Variants in RSPH9 observed in about 807,000 individuals in gnomAD.
RSPH9 encodes radial spoke head protein 9 homolog.
A neutral mutation model predicts 27.0 loss-of-function variants in RSPH9; 27 were observed. The ratio of observed to expected loss-of-function variants is 1.00; its 90% CI spans 0.74 to 1.38. RSPH9 has a LOEUF of 1.38. RSPH9 is among the 40% of genes most tolerant of loss of function. RSPH9 has a pLI of 0.00. For synonymous variants in RSPH9, 145 were observed against 147.7 expected (o/e 0.98, Z 0.13); for missense variants, 347 against 357.4 (o/e 0.97, Z 0.24).
intron 2 of RSPH9, among the ~76,000 whole-genome samples, chr6:43,653,696 A>G (rs1444397483): frequency 2.0e-5 from 3 of 151,750 alleles, no homozygotes; most frequent in Admixed American, 2.0e-4. Flanking sequence ...AATCTTCCTG[A>G]GCCTGTTTTT....
At chr6:43,660,860 T>C (rs1772542245) in intron 4 of RSPH9, among the ~76,000 whole-genome samples, 1 of 150,858 alleles carries the variant, frequency 6.6e-6, no homozygotes, top group South Asian at 2.1e-4. Flanking sequence ...TCATTATCTA[T>C]GGCAGTTATA....
At position 43,671,804 on chromosome 6, in the gene RSPH9, G is replaced by T; in HGVS notation, c.*855G>T. On this transcript the variant is annotated 3_prime_UTR_variant, in exon 5 of 5. Transcript: ENST00000372163. ...AAGGTGTTCTTGAGTAGCAGACATT[G>T]TCCCTCAGAAGGGGTGACCCCACGG... is the stretch of plus-strand genomic sequence containing the variant. 1 of 1,614,214 alleles carries T rather than the reference G, an allele frequency of 6.2e-7. No individual in the cohort carries two copies. The highest frequency in any genetic ancestry group is 8.5e-7 in the Non-Finnish European group (1 of 1,180,036).
intron 2 of RSPH9, among the ~76,000 whole-genome samples, chr6:43,655,272 C>T (rs573364189): frequency 4.2e-4 from 64 of 152,220 alleles, no homozygotes; most frequent in African/African-American, 1.3e-3. Context: ...ATGGTGGCTG[C>T]CCCCAGTGAG....
intron 1 of RSPH9, among the ~76,000 whole-genome samples, chr6:43,646,918 G>A (rs918006802): frequency 3.4e-5 from 5 of 147,898 alleles, no homozygotes; most frequent in African/African-American, 7.5e-5. Flanking sequence ...ATCATGCCAC[G>A]CACTCCAGCC....
intron 4 of RSPH9, among the ~76,000 whole-genome samples, chr6:43,660,664 C>T (rs775345196): frequency 1.3e-5 from 2 of 152,088 alleles, no homozygotes; most frequent in Non-Finnish European, 2.9e-5. Context: ...GGGGTTTTAC[C>T]GTGTTAGCCA....
chr6:43,656,867 C>A lies in RSPH9; in HGVS notation c.670+144C>A, dbSNP rs1582387287. 8 of 844,492 alleles carry A rather than the reference C, an allele frequency of 9.5e-6. No homozygotes were observed. The East Asian group carries it at 2.0e-4, about 21-fold the overall frequency. 52.3% of individuals were successfully genotyped at this position (844,492 alleles called of 1,614,324 possible). ...CCATGGGTTTTTGAGGGTGGAGCTT[C>A]CCCAGGGCCCAGCTTATAGTACACA... On this transcript the variant is annotated intron_variant, in intron 4 of 4. Transcript: ENST00000372163.
intron 2 of RSPH9, among the ~76,000 whole-genome samples, chr6:43,654,425 C>T (rs931809192): frequency 6.6e-6 from 1 of 152,194 alleles, no homozygotes. Flanking sequence ...TGCTGTGGCT[C>T]ACCCTGTAAT....
intron 4 of RSPH9, among the ~76,000 whole-genome samples, chr6:43,667,360 G>GCA (rs1773246713): frequency 6.6e-6 from 1 of 152,232 alleles, no homozygotes; most frequent in Non-Finnish European, 1.5e-5. Context: ...CACAGGCTGG[G>GCA]GCTCCTTCCC....
At chr6:43,668,684 T>C (rs1773399342) in intron 4 of RSPH9, among the ~76,000 whole-genome samples, 1 of 152,122 alleles carries the variant, frequency 6.6e-6, no homozygotes, top group African/African-American at 2.4e-5. Flanking sequence ...CTGGCAACAA[T>C]GAACTGACAA....
At position 43,654,731 on chromosome 6, in the gene RSPH9, G is replaced by A. The variant is rs148255095; in HGVS notation, c.394-831G>A. On this transcript the variant is annotated intron_variant, in intron 2 of 4. Transcript: ENST00000372163. ...CCAGCTACTCAGGAGGCTGAGGCAG[G>A]AGAATCTCTTGAACCTAGGAGGTAG... Among the ~76,000 whole-genome samples, 404 of 152,352 alleles carry A rather than the reference G, an allele frequency of 2.7e-3. 1 individual carries two copies. Among genetic ancestry groups the A allele is most frequent in the Non-Finnish European group, 4.9e-3 (330 of 68,024 alleles).
intron 4 of RSPH9, among the ~76,000 whole-genome samples, chr6:43,668,094 G>A (rs1773326681): frequency 6.6e-6 from 1 of 152,090 alleles, no homozygotes; most frequent in Admixed American, 6.5e-5. Flanking sequence ...CTGCTAGGGG[G>A]CAGGAGGGAT....
chr6:43,650,061 G>A (rs1771288624), intron 1 of RSPH9, among the ~76,000 whole-genome samples: 1 of 152,056 alleles, frequency 6.6e-6, no homozygotes, highest in Non-Finnish European at 1.5e-5. Context: ...CTACAGGCAT[G>A]TGCCACCATG....
intron 4 of RSPH9, 131 bp downstream of exon 4, chr6:43,656,854 GA>G: frequency 1.0e-6 from 1 of 1,003,328 alleles, no homozygotes; most frequent in East Asian, 2.4e-5. Flanking sequence ...ATGGGTTTTT[GA>G]GGGTGGAGCT....
Position 43,650,383 on chromosome 6 carries a change from GCA to G in RSPH9, c.239_240del (p.Thr80ArgfsTer32). On this transcript the variant is annotated frameshift_variant, in exon 2 of 5. Transcript: ENST00000372163. LOFTEE classifies it high-confidence loss of function. ...GTGAATATTGTTGGCAGCCTGAACT[GCA>G]CAGAGTGGAGCCTCTTGCCCCCTGC... is the stretch of plus-strand genomic sequence containing the variant. The G allele has an allele frequency of 6.2e-7, 1 of 1,613,230 alleles. No homozygotes were observed. Among genetic ancestry groups the G allele is most frequent in the Non-Finnish European group, 8.5e-7 (1 of 1,179,948 alleles).
intron 3 of RSPH9, among the ~76,000 whole-genome samples, chr6:43,655,988 A>ACTTCCTTCCTTCCTTC (rs70993404): frequency 0.011 from 1,221 of 113,664 alleles, 28 homozygotes; most frequent in Admixed American, 0.026. Flanking sequence ...TCCTCCTTGG[A>ACTTCCTTCCTTCCTTC]CTTCCTTCCT....
intron 4 of RSPH9, among the ~76,000 whole-genome samples, chr6:43,658,163 G>C (rs548287900): frequency 6.6e-6 from 1 of 151,974 alleles, no homozygotes; most frequent in African/African-American, 2.4e-5. Flanking sequence ...GGTAGCACAC[G>C]CTTGTAAACC....
rs753032599 is a variant in RSPH9 at position 43,671,802 on chromosome 6, T to C, written c.*853T>C. On this transcript the variant is annotated 3_prime_UTR_variant, in exon 5 of 5. Transcript: ENST00000372163. Reference sequence around the variant, plus strand: ...CCAAGGTGTTCTTGAGTAGCAGACATTGTCCCTCAGAAGGGGTGACCCCAC... The same window carrying C: ...CCAAGGTGTTCTTGAGTAGCAGACACTGTCCCTCAGAAGGGGTGACCCCAC... The C allele has an allele frequency of 3.7e-6, 6 of 1,614,092 alleles. No individual in the cohort carries two copies. The highest frequency in any genetic ancestry group is 3.3e-5 in the Admixed American group (2 of 60,008).
chr6:43,653,779 G>A (rs1044253298), intron 2 of RSPH9, among the ~76,000 whole-genome samples: 12 of 151,938 alleles, frequency 7.9e-5, no homozygotes, highest in Non-Finnish European at 1.8e-4. Flanking sequence ...TGCAACCTCC[G>A]CCTCCCGGAT....
At chr6:43,655,744 A>G (rs954920034) in intron 3 of RSPH9, 53 bp downstream of exon 3, 12 of 1,602,974 alleles carry the variant, frequency 7.5e-6, no homozygotes, top group Non-Finnish European at 1.0e-5. Context: ...TCCCAAGCAC[A>G]GTAGAACATA....
Sources: gnomAD v4.1 joint callset for allele counts (sites outside exome capture counted in the v4.1 genomes callset) on GRCh38, gnomAD v4.1.1 for gene constraint, MANE v1.5 for transcripts, NCBI Gene and HGNC (gene_info 2026-07-23, HGNC 2026-07-21) for gene names.